LRP2: variants seen among roughly 807,000 people sequenced by gnomAD.
The protein encoded by LRP2 is low-density lipoprotein receptor-related protein 2.
In LRP2, 172 loss-of-function variants were observed where a neutral mutation model predicts 531.0. The ratio of observed to expected loss-of-function variants is 0.32; its 90% CI spans 0.29 to 0.37. LRP2 has a LOEUF of 0.37. Among genes scored for constraint, LRP2 ranks in the 10% least tolerant of loss-of-function variants. The probability of loss-of-function intolerance (pLI) is 1.00; values close to 1 mark genes in which losing one functional copy is unlikely to be tolerated. For synonymous variants in LRP2, 1,992 were observed against 2,027.6 expected (o/e 0.98, Z 0.47); for missense variants, 5,167 against 5,868.3 (o/e 0.88, Z 3.90).
intron 33 of LRP2, 51 bp downstream of exon 33, chr2:169,225,259 T>C (rs574402746): frequency 6.3e-7 from 1 of 1,581,048 alleles, no homozygotes; most frequent in Admixed American, 1.7e-5. Flanking sequence ...GACTAGAGTT[T>C]ACATCAATCT....
intron 33 of LRP2, 38 bp from the exon 34 acceptor site, chr2:169,220,601 A>G: frequency 1.4e-6 from 2 of 1,388,142 alleles, no homozygotes; most frequent in Non-Finnish European, 1.0e-6. Context: ...TGACTTTCAT[A>G]AGGGGAACCA....
chr2:169,300,720 A>G (rs1180584037), intron 4 of LRP2, among the ~76,000 whole-genome samples: 3 of 152,122 alleles, frequency 2.0e-5, no homozygotes, highest in African/African-American at 7.2e-5. Context: ...TGAGAATGCT[A>G]AAAAGGTACA....
intron 63 of LRP2, among the ~76,000 whole-genome samples, chr2:169,158,054 G>C (rs1686404415): frequency 9.8e-6 from 1 of 102,204 alleles, no homozygotes; most frequent in African/African-American, 4.3e-5. Context: ...TTGACCAATT[G>C]ATTATATACA....
chr2:169,225,896 A>C (rs1689184668), intron 32 of LRP2, among the ~76,000 whole-genome samples: 1 of 152,188 alleles, frequency 6.6e-6, no homozygotes, highest in Non-Finnish European at 1.5e-5. Flanking sequence ...TGAGGAAGAG[A>C]ACTGGAGAAG....
chr2:169,212,726 C>T (rs1262879284), intron 36 of LRP2, among the ~76,000 whole-genome samples: 2 of 146,426 alleles, frequency 1.4e-5, no homozygotes, highest in African/African-American at 5.0e-5. Flanking sequence ...GCTATGAGGA[C>T]ACAAAGGCCT....
Position 169,193,919 on chromosome 2 carries a change from G to GA in LRP2, c.8699-28dup, listed in dbSNP as rs572710076. On this transcript the variant is annotated intron_variant, in intron 46 of 78. Transcript: ENST00000649046. Reference sequence around the variant, plus strand: ...TGAAAAGATCAATAGCATTCTCAGTGAAAAAAAGTGGTTTACAGTCCAGGA... The same window carrying GA: ...TGAAAAGATCAATAGCATTCTCAGTGAAAAAAAAGTGGTTTACAGTCCAGGA... 2.8e-4 allele frequency: 452 copies of GA among 1,613,812 alleles called. 1 individual carries two copies. In the African/African-American group the frequency reaches 5.3e-3, roughly 19 times the overall value.
At chr2:169,196,770 T>C in intron 46 of LRP2, 141 bp downstream of exon 46, 3 of 1,124,426 alleles carry the variant, frequency 2.7e-6, no homozygotes, top group Non-Finnish European at 4.0e-6. Flanking sequence ...CGCTGAGCGG[T>C]GTCAGCATTC....
rs1459931713 is a variant in LRP2, at chr2:169,160,684, A to AAAAAAAAAAAAAACAAAAAAAAAAC, written c.11887+1787_11887+1788insGTTTTTTTTTTGTTTTTTTTTTTTT. Among the ~76,000 whole-genome samples the AAAAAAAAAAAAAACAAAAAAAAAAC allele has an allele frequency of 2.6e-3, 252 of 98,212 alleles. 2 individuals are homozygous for AAAAAAAAAAAAAACAAAAAAAAAAC. The highest frequency in any genetic ancestry group is 0.01 in the African/African-American group (242 of 23,628). 64.4% of individuals were successfully genotyped at this position (98,212 alleles called of 152,430 possible). On this transcript the variant is annotated intron_variant, in intron 63 of 78. Coordinates refer to ENST00000649046, the MANE Select transcript of LRP2 (RefSeq NM_004525.3). ...ATTGTTTGTGCTACTTATTTCCTTA[A>AAAAAAAAAAAAAACAAAAAAAAAAC]AAAAAAAAAAACCTGCTACTAATTA... is the stretch of plus-strand genomic sequence containing the variant.
chr2:169,215,497 A>G (rs148401609), intron 35 of LRP2, among the ~76,000 whole-genome samples: 2 of 152,160 alleles, frequency 1.3e-5, no homozygotes, highest in African/African-American at 4.8e-5. Flanking sequence ...CCACTAAAGA[A>G]AGTTTCGCAT....
intron 54 of LRP2, among the ~76,000 whole-genome samples, 200 bp from the exon 55 acceptor site, chr2:169,175,589 G>C (rs1687161953): frequency 6.6e-6 from 1 of 151,816 alleles, no homozygotes; most frequent in Non-Finnish European, 1.5e-5. Context: ...GGTTTCTTAA[G>C]ATCCAAATAC....
At chr2:169,350,526 C>A (rs186567680) in intron 1 of LRP2, among the ~76,000 whole-genome samples, 8 of 152,008 alleles carry the variant, frequency 5.3e-5, no homozygotes, top group African/African-American at 1.9e-4. Context: ...GAGTTTGAGA[C>A]CAGCCTGACC....
At position 169,338,927 on chromosome 2, in the gene LRP2, C is replaced by T. The variant is rs183380402; in HGVS notation, c.80-18043G>A. 5.9e-5 allele frequency among the ~76,000 whole-genome samples: 9 copies of T among 152,262 alleles called. No homozygotes were observed. The East Asian group carries it at 1.5e-3, about 26-fold the overall frequency. On this transcript the variant is annotated intron_variant, in intron 1 of 78. Transcript: ENST00000649046. ...TTTAATTTCTGTGCCTCAGTTTCCT[C>T]ATCTAAAAACGGAGATAATAAGAGC...
chr2:169,305,716 C>G (rs1159827079), intron 4 of LRP2, among the ~76,000 whole-genome samples: 1 of 152,204 alleles, frequency 6.6e-6, no homozygotes, highest in Non-Finnish European at 1.5e-5. Flanking sequence ...GAAGTACAGT[C>G]AGGAACCGCA....
intron 4 of LRP2, among the ~76,000 whole-genome samples, chr2:169,303,668 C>G (rs1377141595): frequency 6.6e-6 from 1 of 151,910 alleles, no homozygotes; most frequent in Non-Finnish European, 1.5e-5. Flanking sequence ...TCTACATTTC[C>G]TCTGATTTCT....
chr2:169,338,388 G>GAA (rs1286154208), intron 1 of LRP2, among the ~76,000 whole-genome samples: 2 of 122,114 alleles, frequency 1.6e-5, no homozygotes, highest in Non-Finnish European at 3.4e-5. Flanking sequence ...AAGAAAGAAA[G>GAA]AAAGAAAGAA....
rs781541482 is a variant in LRP2, at chr2:169,191,918, G to A, written c.8946C>T (p.Tyr2982=). ...TCCTGGTGCAATTCTGATTCTCATC[G>A]TAGCCGTCAGTACAATCCACATCGC... ...CDGDVDCTDG[Y]DENQNCTRRT... is the part of the protein sequence containing the mutation. Residue 2982 remains tyrosine (Y), a synonymous_variant, in exon 48 of 79, where the codon TAC becomes TAT. Coordinates refer to ENST00000649046, the MANE Select transcript of LRP2 (RefSeq NM_004525.3). 6.2e-6 allele frequency: 10 copies of A among 1,613,878 alleles called. No individual in the cohort carries two copies. The highest frequency in any genetic ancestry group is 1.3e-5 in the African/African-American group (1 of 74,872).
chr2:169,224,762 G>A (rs1689139430), intron 33 of LRP2, among the ~76,000 whole-genome samples: 1 of 152,104 alleles, frequency 6.6e-6, no homozygotes, highest in African/African-American at 2.4e-5. Flanking sequence ...ATAATTAGGA[G>A]GAAACAAAAT....
Position 169,353,428 on chromosome 2 carries a change from C to T in LRP2, c.79+8893G>A, listed in dbSNP as rs1179514867. On this transcript the variant is annotated intron_variant, in intron 1 of 78. Transcript: ENST00000649046. ...GAGAACTGGAGCCCTGACTGCACCT[C>T]GCCTGAACCCCACTCTGCCTCAGTA... 2.6e-5 allele frequency among the ~76,000 whole-genome samples: 4 copies of T among 152,222 alleles called. No homozygotes were observed. The South Asian group carries it at 6.2e-4, about 24-fold the overall frequency.
In LRP2 at chr2:169,188,058, G is replaced by T. The variant is rs1687693916; in HGVS notation, c.9240C>A (p.Phe3080Leu). ...CGATGCAGCGCCCATTGTCACACTTGAACTCGTGAGGTGGACACGTGGGTT... is the reference window on the plus strand; with the variant it reads ...CGATGCAGCGCCCATTGTCACACTTTAACTCGTGAGGTGGACACGTGGGTT... The part of the protein sequence containing the change: ...TPEPTCPPHE[F>L]KCDNGRCIEM... Residue 3080 changes from phenylalanine (F) to leucine (L), a missense_variant, in exon 49 of 79, where the codon TTC becomes TTA. Physicochemically the swap from Phe to Leu is conservative, Grantham distance 22. Coordinates refer to ENST00000649046, the MANE Select transcript of LRP2 (RefSeq NM_004525.3). The T allele has an allele frequency of 6.2e-7, 1 of 1,613,962 alleles. No individual in the cohort carries two copies. The highest frequency in any genetic ancestry group is 1.1e-5 in the South Asian group (1 of 91,080).
Sources: allele counts gnomAD v4.1 joint callset (sites outside exome capture counted in the v4.1 genomes callset), GRCh38; gene constraint gnomAD v4.1.1; transcripts MANE v1.5; gene names NCBI Gene and HGNC (gene_info 2026-07-23, HGNC 2026-07-21).